The following NDST3 variants were observed in gnomAD, a reference collection of about 807,000 sequenced individuals.
NDST3 encodes the protein bifunctional heparan sulfate N-deacetylase/N-sulfotransferase 3.
Under a neutral mutation model 96.1 loss-of-function variants are expected in NDST3, and 58 were observed. The observed-to-expected ratio is 0.60, with a 90% CI of 0.49 to 0.75. The LOEUF (loss-of-function observed/expected upper bound fraction) is 0.75, where lower values mean the gene tolerates loss of function less well. Ranked by LOEUF, NDST3 falls within the 30% of genes least tolerant of loss-of-function variation. NDST3 has a pLI of 0.00. For synonymous variants in NDST3, 333 were observed against 359.7 expected (o/e 0.93, Z 0.84); for missense variants, 788 against 1,034.2 (o/e 0.76, Z 3.27).
chr4:118,173,503 T>C (rs1009559300), intron 6 of NDST3, among the ~76,000 whole-genome samples: 1 of 151,856 alleles, frequency 6.6e-6, no homozygotes, highest in African/African-American at 2.4e-5. Context: ...GCAATAGCAA[T>C]GGGGAATGAA....
intron 6 of NDST3, among the ~76,000 whole-genome samples, chr4:118,191,378 G>A (rs895155955): frequency 1.3e-5 from 2 of 152,182 alleles, no homozygotes; most frequent in Admixed American, 6.5e-5. Context: ...TTACAAAAGG[G>A]TTTCAGGAAA....
At chr4:118,079,533 C>T (rs1473281225) in intron 2 of NDST3, among the ~76,000 whole-genome samples, 1 of 152,002 alleles carries the variant, frequency 6.6e-6, no homozygotes, top group East Asian at 1.9e-4. Context: ...GGTCAGTGTG[C>T]GTGGAGCACA....
chr4:118,125,112 G>C (rs1731937984), intron 4 of NDST3, among the ~76,000 whole-genome samples: 2 of 152,012 alleles, frequency 1.3e-5, no homozygotes, highest in African/African-American at 4.8e-5. Flanking sequence ...CTTGCTCAAA[G>C]CTCTCATTCT....
Position 118,190,417 on chromosome 4 carries a change from T to C in NDST3, c.1540-34074T>C, listed in dbSNP as rs186365797. Among the ~76,000 whole-genome samples the C allele has an allele frequency of 2.2e-3, 332 of 152,338 alleles. 1 individual carries two copies. The highest frequency in any genetic ancestry group is 7.6e-3 in the African/African-American group (315 of 41,576). ...AAATGATTCAGATATTTTATGTCTA[T>C]GTGTTAATTAATTTAGCATAGTATG... On this transcript the variant is annotated intron_variant, in intron 6 of 13. Coordinates refer to ENST00000296499, the MANE Select transcript of NDST3 (RefSeq NM_004784.3).
At chr4:118,099,119 T>G (rs552754749) in intron 2 of NDST3, among the ~76,000 whole-genome samples, 8 of 152,086 alleles carry the variant, frequency 5.3e-5, no homozygotes, top group Non-Finnish European at 1.2e-4. Context: ...TTACATATTG[T>G]TATTCTTGTT....
intron 6 of NDST3, among the ~76,000 whole-genome samples, chr4:118,155,600 T>C (rs1240207086): frequency 1.3e-5 from 2 of 152,214 alleles, no homozygotes; most frequent in Non-Finnish European, 2.9e-5. Context: ...TTAAAGTTCT[T>C]TGGTTCCTAT....
At chr4:118,073,335 G>T (rs1214843344) in intron 2 of NDST3, among the ~76,000 whole-genome samples, 2 of 152,092 alleles carry the variant, frequency 1.3e-5, no homozygotes, top group African/African-American at 4.8e-5. Context: ...GAATTCAGCT[G>T]TGAATCCATC....
chr4:118,253,747 C>A, intron 13 of NDST3, 146 bp downstream of exon 13: 1 of 551,664 alleles, frequency 1.8e-6, no homozygotes, highest in South Asian at 3.0e-5. Flanking sequence ...AGGTAGGTTG[C>A]TTATTTTGAT....
chr4:118,080,907 A>C (rs924956656), intron 2 of NDST3, among the ~76,000 whole-genome samples: 3 of 152,180 alleles, frequency 2.0e-5, no homozygotes, highest in African/African-American at 7.2e-5. Context: ...ACCAAAGATG[A>C]ATCTAGGCTT....
intron 9 of NDST3, among the ~76,000 whole-genome samples, chr4:118,233,720 A>G (rs1740460453): frequency 6.6e-6 from 1 of 152,226 alleles, no homozygotes; most frequent in South Asian, 2.1e-4. Flanking sequence ...AATACACAAA[A>G]TACAGTAATG....
chr4:118,140,370 C>T (rs1020382690), intron 5 of NDST3, among the ~76,000 whole-genome samples: 2 of 152,156 alleles, frequency 1.3e-5, no homozygotes, highest in Non-Finnish European at 2.9e-5. Context: ...GTATTTTCAT[C>T]AGGAACATAA....
chr4:118,147,216 T>C (rs1734010709), intron 6 of NDST3, among the ~76,000 whole-genome samples: 1 of 152,172 alleles, frequency 6.6e-6, no homozygotes, highest in Non-Finnish European at 1.5e-5. Context: ...CCCAGAAAAA[T>C]ACTGACTCTC....
chr4:118,120,339 G>A (rs866243662), intron 4 of NDST3, among the ~76,000 whole-genome samples: 1 of 152,012 alleles, frequency 6.6e-6, no homozygotes, highest in African/African-American at 2.4e-5. Flanking sequence ...GAGGGAGCAG[G>A]GGGGAAAGGT....
At chr4:118,255,515 C>G in intron 13 of NDST3, 78 bp from the exon 14 acceptor site, 1 of 1,405,482 alleles carries the variant, frequency 7.1e-7, no homozygotes, top group Non-Finnish European at 9.7e-7. Context: ...ATACTTGGTA[C>G]TTATTTCAAC....
chr4:118,035,332 T>TAG (rs1724085673), intron 1 of NDST3, among the ~76,000 whole-genome samples: 2 of 152,158 alleles, frequency 1.3e-5, no homozygotes, highest in East Asian at 1.9e-4. Flanking sequence ...AAGAAAACCC[T>TAG]TCTAGACAAT....
At chr4:118,128,767 G>C (rs1321270569) in intron 4 of NDST3, among the ~76,000 whole-genome samples, 1 of 151,946 alleles carries the variant, frequency 6.6e-6, no homozygotes, top group Non-Finnish European at 1.5e-5. Context: ...ATTGCTGTTA[G>C]TTCTTCTTTA....
At chr4:118,236,517 C>A (rs1424979550) in intron 9 of NDST3, among the ~76,000 whole-genome samples, 2 of 152,100 alleles carry the variant, frequency 1.3e-5, no homozygotes, top group Non-Finnish European at 2.9e-5. Context: ...AGCAAATAAG[C>A]AATATTTATA....
chr4:118,106,234 C>T (rs534013278), intron 3 of NDST3, among the ~76,000 whole-genome samples: 3 of 152,118 alleles, frequency 2.0e-5, no homozygotes, highest in Admixed American at 6.5e-5. Flanking sequence ...TTCCTTATGG[C>T]GTTTTTAATG....
intron 2 of NDST3, among the ~76,000 whole-genome samples, chr4:118,084,504 G>A (rs576417403): frequency 6.6e-6 from 1 of 152,168 alleles, no homozygotes; most frequent in East Asian, 1.9e-4. Flanking sequence ...TCCTAGTTTA[G>A]TGTTTCTGAA....
Sources: gnomAD v4.1 joint callset for allele counts (sites outside exome capture counted in the v4.1 genomes callset) on GRCh38, gnomAD v4.1.1 for gene constraint, MANE v1.5 for transcripts, NCBI Gene and HGNC (gene_info 2026-07-23, HGNC 2026-07-21) for gene names.